Variants in NBPF20 observed in about 807,000 individuals in gnomAD.
NBPF20 encodes the protein NBPF member 20.
Under a neutral mutation model 68.1 loss-of-function variants are expected in NBPF20, and 90 were observed. The ratio of observed to expected loss-of-function variants is 1.32; its 90% CI spans 1.11 to 1.58. The LOEUF is 1.58. Among genes scored for constraint, NBPF20 ranks in the 40% most tolerant of loss-of-function variants. NBPF20 has a pLI of 0.00. For missense variants in NBPF20, 816 were observed against 601.2 expected, an observed-to-expected ratio of 1.36 and a Z score of -3.74; for synonymous variants, 290 against 228.1, an observed-to-expected ratio of 1.27 and a Z score of -2.45.
At chr1:145,419,110 A>T in the NBPF20 span, among the ~76,000 whole-genome samples, 1 of 108,436 alleles carries the variant, frequency 9.2e-6, no homozygotes, top group South Asian at 3.9e-4. Flanking sequence ...GGAGGGAGGG[A>T]GGGAGGGAGG....
At chr1:145,393,586 C>G (rs1432987142) in intron 9 of NBPF20, 2 of 648,452 alleles carry the variant, frequency 3.1e-6, no homozygotes, top group Non-Finnish European at 5.3e-6. Flanking sequence ...GAACAGTGAT[C>G]ATGAAAAGCA....
At chr1:145,419,194 A>G in the NBPF20 span, among the ~76,000 whole-genome samples, 4 of 149,580 alleles carry the variant, frequency 2.7e-5, no homozygotes, top group African/African-American at 4.9e-5. Flanking sequence ...GGAAAGAATA[A>G]AGAGAGAGAG....
At chr1:145,352,404 C>T (rs1661664897) in intron 61 of NBPF20, among the ~76,000 whole-genome samples, 7 of 35,296 alleles carry the variant, frequency 2.0e-4, no homozygotes, top group East Asian at 2.4e-3. Flanking sequence ...AGTAACAGGA[C>T]ACTCTGAGTT....
upstream of NBPF20, among the ~76,000 whole-genome samples, chr1:145,409,755 C>CA (rs1662934146): frequency 6.6e-6 from 1 of 151,920 alleles, no homozygotes; most frequent in South Asian, 2.1e-4. Flanking sequence ...CTTCAGGACT[C>CA]AGACTTATAG....
chr1:145,425,594 C>A, the NBPF20 span, among the ~76,000 whole-genome samples: 7 of 152,224 alleles, frequency 4.6e-5, no homozygotes, highest in Admixed American at 3.9e-4. Flanking sequence ...AGGGTCTCGC[C>A]GGGCGCGTCA....
chr1:145,425,220 G>T, the NBPF20 span, among the ~76,000 whole-genome samples: 1 of 140,894 alleles, frequency 7.1e-6, no homozygotes, highest in Non-Finnish European at 1.6e-5. Context: ...CGGAACACAC[G>T]CCCCCCCCAA....
chr1:145,291,880 A>C, intron 137 of NBPF20, 111 bp from the exon 143 acceptor site: 1 of 1,595,078 alleles, frequency 6.3e-7, no homozygotes, highest in Non-Finnish European at 8.5e-7. Flanking sequence ...AAAAGGATAG[A>C]TCCATTAATG....
upstream of NBPF20, among the ~76,000 whole-genome samples, chr1:145,408,423 A>G (rs1335531858): frequency 2.0e-5 from 3 of 152,018 alleles, no homozygotes; most frequent in Non-Finnish European, 4.4e-5. Flanking sequence ...AAAAAAATGA[A>G]TAACTGTACA....
chr1:145,402,716 G>C (rs1193025505), intron 3 of NBPF20, among the ~76,000 whole-genome samples: 7 of 149,262 alleles, frequency 4.7e-5, no homozygotes, highest in Admixed American at 1.3e-4. Context: ...AATACACATA[G>C]TGCATCTTGC....
intron 7 of NBPF20, among the ~76,000 whole-genome samples, chr1:145,396,652 T>A (rs1417201347): frequency 6.6e-6 from 1 of 151,220 alleles, no homozygotes; most frequent in Non-Finnish European, 1.5e-5. Flanking sequence ...GCAGCAGATC[T>A]CTTGGCACAA....
At chr1:145,292,579 A>T in intron 136 of NBPF20, 90 bp from the exon 142 acceptor site, 1 of 742,480 alleles carries the variant, frequency 1.3e-6, no homozygotes, top group Admixed American at 1.9e-5. Context: ...CAGGGACCTC[A>T]GGCTCCCCAG....
chr1:145,372,519 G>A lies in NBPF20; in HGVS notation c.4362C>T (p.Asp1454=), dbSNP rs1426734878. 68 of 503,716 alleles carry A rather than the reference G, an allele frequency of 1.3e-4. 4 individuals carry two copies. Among genetic ancestry groups the A allele is most frequent in the East Asian group, 7.9e-4 (13 of 16,412 alleles). The allele number at this position is 503,716 out of a possible 1,614,324, so 31.2% of individuals were successfully genotyped here. A position where few individuals can be genotyped will look rare whatever the true frequency, so the allele number is the denominator to read the frequency against. Residue 1454 remains aspartate (D), a synonymous_variant, in exon 36 of 138, where the codon GAC becomes GAT. Coordinates refer to ENST00000369373, the Ensembl canonical transcript of NBPF20. ...TCACAGTAAGATACTCACTGTCCAC[G>A]TCAAGAGCCAAGCCAAGGTACTGTT... is the stretch of plus-strand genomic sequence containing the variant.
In NBPF20 at chr1:145,400,393, A is replaced by G. The variant is rs1553664991; in HGVS notation, c.768T>C (p.Ile256=). The G allele has an allele frequency of 2.6e-4, 424 of 1,612,718 alleles. 1 individual carries two copies. The highest frequency in any genetic ancestry group is 6.0e-4 in the Middle Eastern group (3 of 4,986). Residue 256 remains isoleucine, a synonymous_variant, in exon 6 of 138, where the codon ATT becomes ATC. Coordinates refer to ENST00000369373, the Ensembl canonical transcript of NBPF20. ...CACAAGGAAAACAGAGGCTACCTGGAATAATGTGTACAGCATCCTCCCATT... is the reference window on the plus strand; with the variant it reads ...CACAAGGAAAACAGAGGCTACCTGGGATAATGTGTACAGCATCCTCCCATT...
chr1:145,400,436 C>T, exon 6 of NBPF20: 6 of 1,613,076 alleles, frequency 3.7e-6, no homozygotes, highest in Non-Finnish European at 2.5e-6. Flanking sequence ...AGAGGATGAG[C>T]CAATCAGAGT....
the NBPF20 span, among the ~76,000 whole-genome samples, chr1:145,418,160 TAGA>T: frequency 2.9e-5 from 4 of 139,548 alleles, no homozygotes; most frequent in East Asian, 6.3e-4. Flanking sequence ...GTCAAAAAGA[TAGA>T]AGTAGTAAAA....
chr1:145,395,637 A>C (rs1200801324), intron 7 of NBPF20, among the ~76,000 whole-genome samples: 1 of 150,070 alleles, frequency 6.7e-6, no homozygotes, highest in African/African-American at 2.5e-5. Context: ...AATAGGAAAA[A>C]AGCATGTATA....
intron 73 of NBPF20, among the ~76,000 whole-genome samples, 189 bp from the exon 79 acceptor site, chr1:145,342,748 G>C (rs1346422784): frequency 9.0e-6 from 1 of 111,248 alleles, no homozygotes; most frequent in Non-Finnish European, 1.8e-5. Context: ...GAAAGAGAAA[G>C]ACAGATAGAC....
chr1:145,393,542 G>T (rs1157023206), intron 9 of NBPF20, among the ~76,000 whole-genome samples: 1 of 151,668 alleles, frequency 6.6e-6, no homozygotes, highest in African/African-American at 2.4e-5. Context: ...GGAGTCAAAG[G>T]ACACTCTGTA....
the NBPF20 span, among the ~76,000 whole-genome samples, chr1:145,423,842 A>G: frequency 4.6e-5 from 7 of 152,320 alleles, no homozygotes; most frequent in East Asian, 1.9e-4. Context: ...ACATTCAACA[A>G]TATGTAATAC....
Sources: allele counts gnomAD v4.1 joint callset (sites outside exome capture counted in the v4.1 genomes callset), GRCh38; gene constraint gnomAD v4.1.1; transcripts MANE v1.5; gene names NCBI Gene and HGNC (gene_info 2026-07-23, HGNC 2026-07-21).